RGS6: variants seen among roughly 807,000 people sequenced by gnomAD.
RGS6 encodes the protein regulator of G protein signaling 6.
Under a neutral mutation model 78.5 loss-of-function variants are expected in RGS6, and 30 were observed. The observed-to-expected ratio is 0.38, with a 90% confidence interval of 0.29 to 0.52. RGS6 has a LOEUF of 0.52. Ranked by LOEUF, RGS6 falls within the 20% of genes least tolerant of loss-of-function variation. RGS6 has a pLI of 0.85. For missense variants in RGS6, 495 were observed against 609.7 expected, an observed-to-expected ratio of 0.81 and a Z score of 1.98; for synonymous variants, 206 against 206.0, an observed-to-expected ratio of 1.00 and a Z score of 0.00.
At chr14:72,027,930 G>A (rs1424303813) in intron 2 of RGS6, among the ~76,000 whole-genome samples, 1 of 152,096 alleles carries the variant, frequency 6.6e-6, no homozygotes, top group Non-Finnish European at 1.5e-5. Context: ...GAGTGTTTTT[G>A]TTAATTTTTG....
the RGS6 span, chr14:72,619,339 T>G: frequency 7.2e-6 from 11 of 1,536,114 alleles, no homozygotes; most frequent in South Asian, 1.1e-4. Context: ...CTTTGAGCAG[T>G]TCCCAGCATA....
At position 72,549,248 on chromosome 14, in the gene RGS6, T is replaced by G. The variant is rs28704173; in HGVS notation, c.1422+9154T>G. The stretch of plus-strand genomic sequence containing the variant: ...CCTTGCCTTCTTTTCTGTTTTTTGT[T>G]TTTTTTTTTGGCATTTGCTGCCGCA... On this transcript the variant is annotated intron_variant, in intron 17 of 17. Coordinates refer to ENST00000553525, the MANE Select transcript of RGS6 (RefSeq NM_001204424.2). 8.5e-3 allele frequency among the ~76,000 whole-genome samples: 1,288 copies of G among 150,780 alleles called. 18 individuals carry two copies. The highest frequency in any genetic ancestry group is 0.03 in the African/African-American group (1,221 of 41,212).
intron 7 of RGS6, among the ~76,000 whole-genome samples, chr14:72,469,319 C>G (rs2096013079): frequency 1.3e-5 from 2 of 151,810 alleles, no homozygotes; most frequent in African/African-American, 4.8e-5. Flanking sequence ...CGACTCTCCT[C>G]CCTCAGTCTC....
chr14:72,385,087 C>T (rs1176909700), intron 3 of RGS6, among the ~76,000 whole-genome samples: 6 of 152,032 alleles, frequency 3.9e-5, no homozygotes, highest in Non-Finnish European at 5.9e-5. Flanking sequence ...AGCACCTGCC[C>T]GTCATCTTTC....
At chr14:72,136,009 A>G (rs578185778) in intron 2 of RGS6, among the ~76,000 whole-genome samples, 3 of 152,302 alleles carry the variant, frequency 2.0e-5, no homozygotes, top group Admixed American at 6.5e-5. Context: ...TGTGCTTCAG[A>G]TTGAATGCAA....
chr14:72,053,079 CCCTTCCTTCCTT>C lies in RGS6; in HGVS notation c.84+88245_84+88256del, dbSNP rs1226350902. Among the ~76,000 whole-genome samples, 166 of 16,982 alleles carry C rather than the reference CCCTTCCTTCCTT, an allele frequency of 9.8e-3. 1 individual carries two copies. The highest frequency in any genetic ancestry group is 0.014 in the Admixed American group (16 of 1,132). The allele number at this position is 16,982 out of a possible 152,430, so 11.1% of individuals were successfully genotyped here. A position where few individuals can be genotyped will look rare whatever the true frequency, so the allele number is the denominator to read the frequency against. On this transcript the variant is annotated intron_variant, in intron 2 of 17. Transcript: ENST00000553525. ...TCCCTCCCTCCCTCCCTCCCTCCCT[CCCTTCCTTCCTT>C]CCTTCCTTCCTTCCTTCCTTCCTTC...
the RGS6 span, among the ~76,000 whole-genome samples, chr14:71,925,594 A>G: frequency 1.3e-5 from 2 of 152,072 alleles, no homozygotes; most frequent in East Asian, 3.9e-4. Flanking sequence ...GTGTAAGATA[A>G]GGGTCCAATT....
intron 2 of RGS6, among the ~76,000 whole-genome samples, chr14:72,056,203 C>A (rs574310299): frequency 9.2e-5 from 14 of 152,208 alleles, no homozygotes; most frequent in African/African-American, 2.6e-4. Flanking sequence ...GATGTGAAGC[C>A]CAGAGAAGTT....
At chr14:72,401,686 A>G (rs1409429316) in intron 3 of RGS6, among the ~76,000 whole-genome samples, 1 of 152,070 alleles carries the variant, frequency 6.6e-6, no homozygotes, top group Admixed American at 6.6e-5. Flanking sequence ...CTTACTGAAG[A>G]GCTGAAATTT....
chr14:72,495,098 A>G, intron 12 of RGS6, 54 bp from the exon 13 acceptor site: 1 of 1,025,834 alleles, frequency 9.7e-7, no homozygotes, highest in Non-Finnish European at 1.6e-6. Context: ...AAACAGAATA[A>G]AGGGGTTTTC....
At chr14:72,093,605 C>T (rs1349831216) in intron 2 of RGS6, among the ~76,000 whole-genome samples, 2 of 152,038 alleles carry the variant, frequency 1.3e-5, no homozygotes, top group Non-Finnish European at 2.9e-5. Flanking sequence ...TTGCTTTTTT[C>T]CCCCCACATA....
chr14:71,935,861 C>G (rs113415478), intron 1 of RGS6, among the ~76,000 whole-genome samples: 80 of 151,520 alleles, frequency 5.3e-4, no homozygotes, highest in African/African-American at 1.9e-3. Context: ...ACCTGGGGGT[C>G]ATCCTGGGAG....
chr14:72,263,021 T>G (rs2058437466), intron 2 of RGS6, among the ~76,000 whole-genome samples: 1 of 152,112 alleles, frequency 6.6e-6, no homozygotes, highest in Non-Finnish European at 1.5e-5. Flanking sequence ...CAACTCTGAC[T>G]GCCCCCGCCT....
intron 2 of RGS6, among the ~76,000 whole-genome samples, chr14:72,199,177 GT>G (rs1359123032): frequency 6.6e-6 from 1 of 152,208 alleles, no homozygotes; most frequent in Non-Finnish European, 1.5e-5. Context: ...TGATGGAATG[GT>G]GATGGTTTGC....
chr14:72,011,713 T>C (rs1020675831), intron 2 of RGS6, among the ~76,000 whole-genome samples: 3 of 152,210 alleles, frequency 2.0e-5, no homozygotes, highest in Non-Finnish European at 4.4e-5. Flanking sequence ...ATAGGTTATA[T>C]GAAAATACTA....
intron 3 of RGS6, among the ~76,000 whole-genome samples, chr14:72,402,032 A>G (rs1204233427): frequency 6.6e-6 from 1 of 152,266 alleles, no homozygotes; most frequent in Non-Finnish European, 1.5e-5. Context: ...GAAGGAACCC[A>G]TAGCAGAAGT....
intron 2 of RGS6, among the ~76,000 whole-genome samples, chr14:71,997,023 T>C (rs11620690): frequency 0.17 from 25,260 of 151,960 alleles, 2,165 homozygotes; most frequent in East Asian, 0.21. Flanking sequence ...AGGAAATGGA[T>C]TGGAGAGGAC....
At chr14:71,926,019 AC>A in the RGS6 span, among the ~76,000 whole-genome samples, 1 of 152,202 alleles carries the variant, frequency 6.6e-6, no homozygotes, top group South Asian at 2.1e-4. Context: ...TGAAGAAGAC[AC>A]AAATAAATGG....
intron 3 of RGS6, among the ~76,000 whole-genome samples, chr14:72,360,539 A>G (rs1021986706): frequency 1.2e-4 from 18 of 151,288 alleles, no homozygotes; most frequent in African/African-American, 4.4e-4. Flanking sequence ...CAAACAAAAC[A>G]AAACAAAAAA....
Sources: allele counts gnomAD v4.1 joint callset (sites outside exome capture counted in the v4.1 genomes callset), GRCh38; gene constraint gnomAD v4.1.1; transcripts MANE v1.5; gene names NCBI Gene and HGNC (gene_info 2026-07-23, HGNC 2026-07-21).